ZNF682: variants seen among roughly 807,000 people sequenced by gnomAD.
The protein encoded by ZNF682 is zinc finger protein 682.
ZNF682 carries 29 observed loss-of-function variants against 36.5 expected under a neutral mutation model. The ratio of observed to expected loss-of-function variants is 0.80; its 90% CI spans 0.59 to 1.08. The LOEUF (loss-of-function observed/expected upper bound fraction) is 1.08, where lower values mean the gene tolerates loss of function less well. Ranked by LOEUF, ZNF682 falls within the 50% of genes least tolerant of loss-of-function variation. The pLI is 0.00. For missense variants in ZNF682, 561 were observed against 579.7 expected, an observed-to-expected ratio of 0.97 and a Z score of 0.33; for synonymous variants, 180 against 197.0, an observed-to-expected ratio of 0.91 and a Z score of 0.72.
chr19:20,018,383 C>T (rs971345984), intron 3 of ZNF682, among the ~76,000 whole-genome samples: 2 of 152,036 alleles, frequency 1.3e-5, no homozygotes, highest in South Asian at 2.1e-4. Flanking sequence ...CGTGAGCCAC[C>T]GCGCCCAGCC....
At chr19:19,995,157 C>T (rs771320694), downstream of ZNF682, among the ~76,000 whole-genome samples, 14 of 152,086 alleles carry the variant, frequency 9.2e-5, no homozygotes, top group Admixed American at 2.6e-4. Flanking sequence ...TTTTATACCA[C>T]GTAAATGGCA....
chr19:20,009,103 G>A (rs764279979), intron 3 of ZNF682, among the ~76,000 whole-genome samples: 45 of 152,132 alleles, frequency 3.0e-4, no homozygotes, highest in Non-Finnish European at 1.5e-4. Flanking sequence ...ATGTGAAAGC[G>A]AAAGAAAGCT....
At chr19:19,999,421 T>C (rs201695749), downstream of ZNF682, among the ~76,000 whole-genome samples, 3 of 37,522 alleles carry the variant, frequency 8.0e-5, no homozygotes, top group Non-Finnish European at 1.4e-4. Context: ...GCTTAAGAGA[T>C]TTTTTAAAAA....
At chr19:20,035,756 G>C (rs1303199215) in intron 1 of ZNF682, among the ~76,000 whole-genome samples, 1 of 150,336 alleles carries the variant, frequency 6.7e-6, no homozygotes, top group Non-Finnish European at 1.5e-5. Flanking sequence ...TTTTTTTTGA[G>C]ATGGAGTCTC....
chr19:20,001,185 A>G (rs258576), downstream of ZNF682, among the ~76,000 whole-genome samples: 77,576 of 152,062 alleles, frequency 0.51, 20,325 homozygotes, highest in East Asian at 0.71. Context: ...CTTTACATCA[A>G]GCCATGAGCA....
rs2088226855 is a variant in ZNF682 at position 20,006,797 on chromosome 19, G to A, written c.705C>T (p.Gly235=). ...GEKPYKCEEC[G]KAFNWCSSLT... Reference sequence around the variant, plus strand: ...GACTCGAGCACCAGTTAAAAGCTTTGCCACATTCTTCACATTTGTATGGTT... The same window carrying A: ...GACTCGAGCACCAGTTAAAAGCTTTACCACATTCTTCACATTTGTATGGTT... Residue 235 remains glycine (G), a synonymous_variant, in exon 4 of 4, where the codon GGC becomes GGT. Transcript: ENST00000397165. 1 of 1,613,792 alleles carries A rather than the reference G, an allele frequency of 6.2e-7. No homozygotes were observed. Among genetic ancestry groups the A allele is most frequent in the African/African-American group, 1.3e-5 (1 of 74,854 alleles).
Position 20,006,490 on chromosome 19 carries a change from C to A in ZNF682, c.1012G>T (p.Glu338Ter). 6.2e-7 allele frequency: 1 copy of A among 1,614,088 alleles called. No individual in the cohort carries two copies. Among genetic ancestry groups the A allele is most frequent in the East Asian group, 2.2e-5 (1 of 44,874 alleles). Reference sequence around the variant, plus strand: ...CATTCTTCACATTTATAGGGTTTCTCTCCCGTATGGGTTCTCTCATGTATA... The same window carrying A: ...CATTCTTCACATTTATAGGGTTTCTATCCCGTATGGGTTCTCTCATGTATA... ...LTIHERTHTG[E>*]KPYKCEECGK... The change falls in exon 4 of 4, where the codon GAG (glutamate) becomes TAG (stop). Residue 338 changes from glutamate to a stop codon, truncating the protein, a stop_gained. Transcript: ENST00000397165. LOFTEE classifies it high-confidence loss of function.
In ZNF682 at chr19:20,012,346, GA is replaced by G. The variant is rs1241016445; in HGVS notation, c.227-5072del. 4.0e-5 allele frequency among the ~76,000 whole-genome samples: 6 copies of G among 151,240 alleles called. No homozygotes were observed. In the South Asian group the frequency reaches 8.3e-4, roughly 21 times the overall value. On this transcript the variant is annotated intron_variant, in intron 3 of 3. Coordinates refer to ENST00000397165, the MANE Select transcript of ZNF682 (RefSeq NM_033196.3). The stretch of plus-strand genomic sequence containing the variant: ...CTAGATCACTAGCTAAGTTAACAAA[GA>G]AAAAAAAGGATCCAATAAGCACAAT...
chr19:20,003,027 A>G (rs2088179807), downstream of ZNF682, among the ~76,000 whole-genome samples: 1 of 151,546 alleles, frequency 6.6e-6, no homozygotes, highest in Admixed American at 6.6e-5. Context: ...CGTCTCTACT[A>G]AAAATACAAA....
At chr19:20,011,023 A>T (rs891833919) in intron 3 of ZNF682, among the ~76,000 whole-genome samples, 1 of 152,092 alleles carries the variant, frequency 6.6e-6, no homozygotes, top group Non-Finnish European at 1.5e-5. Context: ...ATCAGATTTA[A>T]AAAAAACCAA....
At chr19:20,010,496 C>T (rs1019449193) in intron 3 of ZNF682, among the ~76,000 whole-genome samples, 1 of 151,662 alleles carries the variant, frequency 6.6e-6, no homozygotes, top group Admixed American at 6.6e-5. Context: ...CCCGTCTCTA[C>T]TAAAATACAA....
At chr19:20,035,864 T>C (rs1304976339) in intron 1 of ZNF682, among the ~76,000 whole-genome samples, 1 of 151,994 alleles carries the variant, frequency 6.6e-6, no homozygotes, top group Non-Finnish European at 1.5e-5. Flanking sequence ...GCCTACCAAG[T>C]AGCAGGGATT....
chr19:20,006,042 C>T lies in ZNF682; in HGVS notation c.1460G>A (p.Gly487Glu), dbSNP rs1568536655. The change falls in exon 4 of 4, where the codon GGG becomes GAG. Residue 487 changes from glycine to glutamate, a missense_variant. By Grantham distance (98) the Gly-to-Glu change is moderately conservative. Coordinates refer to ENST00000397165, the MANE Select transcript of ZNF682 (RefSeq NM_033196.3). The part of the protein sequence containing the change: ...GEKSCKYKKC[G>E]EAFNHCSNLT... ...GTTTGAGCAGTGATTAAAAGCTTCC[C>T]CACATTTTTTATACTTGCAGGATTT... 1.9e-6 allele frequency: 3 copies of T among 1,606,058 alleles called. No individual in the cohort carries two copies. The highest frequency in any genetic ancestry group is 2.6e-6 in the Non-Finnish European group (3 of 1,175,040).
Position 20,010,628 on chromosome 19 carries a change from G to A in ZNF682, c.227-3353C>T, listed in dbSNP as rs547237983. Among the ~76,000 whole-genome samples the A allele has an allele frequency of 4.4e-4, 67 of 152,052 alleles. 1 individual carries two copies. The highest frequency in any genetic ancestry group is 1.6e-3 in the African/African-American group (65 of 41,470). On this transcript the variant is annotated intron_variant, in intron 3 of 3. Coordinates refer to ENST00000397165, the MANE Select transcript of ZNF682 (RefSeq NM_033196.3). ...AAGCTGATATCGCGCCTGCACTCCA[G>A]CCCGGGTGACAGATCGAGACTCTGT... is the stretch of plus-strand genomic sequence containing the variant.
intron 1 of ZNF682, among the ~76,000 whole-genome samples, chr19:20,034,903 C>G (rs1481119208): frequency 2.0e-5 from 3 of 152,236 alleles, no homozygotes; most frequent in African/African-American, 7.2e-5. Context: ...TCGAGACCAG[C>G]CTGGCCAGCA....
intron 1 of ZNF682, among the ~76,000 whole-genome samples, chr19:20,025,686 GAA>G (rs77612304): frequency 6.7e-4 from 78 of 115,784 alleles, no homozygotes; most frequent in African/African-American, 2.1e-3. Flanking sequence ...CAAAAAAAAA[GAA>G]AAAAAAAAAA....
intron 3 of ZNF682, among the ~76,000 whole-genome samples, chr19:20,013,956 G>GA (rs536414556): frequency 4.6e-5 from 7 of 152,060 alleles, no homozygotes; most frequent in Non-Finnish European, 8.8e-5. Context: ...ATTAGTAATA[G>GA]AAAAAAATCC....
chr19:20,003,215 A>AAT (rs2088182492), downstream of ZNF682, among the ~76,000 whole-genome samples: 1 of 149,952 alleles, frequency 6.7e-6, no homozygotes, highest in Non-Finnish European at 1.5e-5. Context: ...AAAAAAAAAA[A>AAT]AAAAATTAAA....
intron 3 of ZNF682, among the ~76,000 whole-genome samples, chr19:20,009,910 C>T (rs1054541335): frequency 6.6e-6 from 1 of 152,058 alleles, no homozygotes; most frequent in Non-Finnish European, 1.5e-5. Flanking sequence ...GTCCTAGCTA[C>T]TCAGGAGGCT....
Sources: allele counts gnomAD v4.1 joint callset (sites outside exome capture counted in the v4.1 genomes callset), GRCh38; gene constraint gnomAD v4.1.1; transcripts MANE v1.5; gene names NCBI Gene and HGNC (gene_info 2026-07-23, HGNC 2026-07-21).